FAM78A: variants seen among roughly 807,000 people sequenced by gnomAD.
The protein encoded by FAM78A is family with sequence similarity 78 member A.
A neutral mutation model predicts 22.6 loss-of-function variants in FAM78A; 12 were observed. The ratio of observed to expected loss-of-function variants is 0.53; its 90% CI spans 0.34 to 0.86. The LOEUF (loss-of-function observed/expected upper bound fraction) is 0.86. Among genes scored for constraint, FAM78A ranks in the 40% least tolerant of loss-of-function variants. The pLI is 0.02. For missense variants in FAM78A, 322 were observed against 396.1 expected (o/e 0.81, Z 1.59); for synonymous variants, 151 against 155.8 (o/e 0.97, Z 0.23).
At chr9:131,270,120 C>T (rs1277029945) in intron 1 of FAM78A, among the ~76,000 whole-genome samples, 2 of 150,808 alleles carry the variant, frequency 1.3e-5, no homozygotes, top group African/African-American at 2.4e-5. Context: ...ACAGGAGAAT[C>T]GCTTGAACCC....
chr9:131,268,904 AAG>A (rs1835381696), intron 1 of FAM78A, among the ~76,000 whole-genome samples: 3 of 150,386 alleles, frequency 2.0e-5, no homozygotes, highest in Non-Finnish European at 4.4e-5. Context: ...AAAAAAAAAA[AAG>A]AAGTGCTCTT....
At chr9:131,270,045 A>T (rs917404256) in intron 1 of FAM78A, among the ~76,000 whole-genome samples, 10 of 148,684 alleles carry the variant, frequency 6.7e-5, no homozygotes, top group African/African-American at 2.2e-4. Flanking sequence ...AATAAAAAAA[A>T]AAAAAAAAAA....
In FAM78A at chr9:131,260,681, C is replaced by A; in HGVS notation, c.*141G>T. 1 of 1,069,350 alleles carries A rather than the reference C, an allele frequency of 9.4e-7. No individual in the cohort carries two copies. Among genetic ancestry groups the A allele is most frequent in the East Asian group, 2.7e-5 (1 of 36,818 alleles). The allele number at this position is 1,069,350 out of a possible 1,614,324, so 66.2% of individuals were successfully genotyped here. On this transcript the variant is annotated 3_prime_UTR_variant, in exon 2 of 2. Transcript: ENST00000372271. The surrounding 1 kb of genome is among the most constrained non-coding windows in gnomAD (Gnocchi z 5.4). ...GTGCCGAGAGCCGGGGAGGCCTTCC[C>A]GGGGGCATCAGCACAGTGAGATCCG...
upstream of FAM78A, among the ~76,000 whole-genome samples, chr9:131,278,074 C>T (rs1835507967): frequency 6.1e-5 from 9 of 148,712 alleles, no homozygotes; most frequent in South Asian, 1.7e-3. Flanking sequence ...CGGGCGCCGC[C>T]TCCTCCTCCC....
At chr9:131,267,338 G>A (rs549662872) in intron 1 of FAM78A, among the ~76,000 whole-genome samples, 10 of 152,302 alleles carry the variant, frequency 6.6e-5, no homozygotes, top group African/African-American at 2.4e-4. Context: ...AGACCAGCCA[G>A]GGCATCAAAG....
Position 131,260,598 on chromosome 9 carries a change from G to T in FAM78A, c.*224C>A. On this transcript the variant is annotated 3_prime_UTR_variant, in exon 2 of 2. Transcript: ENST00000372271. This position sits in a 1 kb window ranked among gnomAD's most constrained non-coding sequence, Gnocchi z 5.4. ...CAAGGAGACCAGAGGTCACCCTGAGGGCGCACGTGGGGTCTGTCTGTCCTG... is the reference window on the plus strand; with the variant it reads ...CAAGGAGACCAGAGGTCACCCTGAGTGCGCACGTGGGGTCTGTCTGTCCTG... 1 of 434,702 alleles carries T rather than the reference G, an allele frequency of 2.3e-6. No individual in the cohort carries two copies. Among genetic ancestry groups the T allele is most frequent in the Non-Finnish European group, 4.0e-6 (1 of 249,190 alleles). 26.9% of individuals were successfully genotyped at this position (434,702 alleles called of 1,614,324 possible).
rs114883704 is a variant in FAM78A, at chr9:131,271,350, G to A, written c.323+4507C>T. Among the ~76,000 whole-genome samples, 445 of 152,258 alleles carry A rather than the reference G, an allele frequency of 2.9e-3. 2 individuals are homozygous for A. Among genetic ancestry groups the A allele is most frequent in the African/African-American group, 6.1e-3 (253 of 41,534 alleles). On this transcript the variant is annotated intron_variant, in intron 1 of 1. Coordinates refer to ENST00000372271, the MANE Select transcript of FAM78A (RefSeq NM_033387.4). ...CTTTCCGGTGACTCCGACAGGCATCGCATAATGCATAAGACATTATTAGTA... is the reference window on the plus strand; with the variant it reads ...CTTTCCGGTGACTCCGACAGGCATCACATAATGCATAAGACATTATTAGTA...
Position 131,260,508 on chromosome 9 carries a change from C to A in FAM78A, c.*314G>T. 1 of 251,800 alleles carries A rather than the reference C, an allele frequency of 4.0e-6. No individual in the cohort carries two copies. Among genetic ancestry groups the A allele is most frequent in the Non-Finnish European group, 7.5e-6 (1 of 133,400 alleles). 15.6% of individuals were successfully genotyped at this position (251,800 alleles called of 1,614,324 possible). A position where few individuals can be genotyped will look rare whatever the true frequency, so the allele number is the denominator to read the frequency against. On this transcript the variant is annotated 3_prime_UTR_variant, in exon 2 of 2. Coordinates refer to ENST00000372271, the MANE Select transcript of FAM78A (RefSeq NM_033387.4). The surrounding 1 kb of genome is among the most constrained non-coding windows in gnomAD (Gnocchi z 5.4). The stretch of plus-strand genomic sequence containing the variant: ...CCAAAAGAGGAGTTTTTTTAAAAAA[C>A]GGAAAAAGCAGTGTTTCAGGGAATC...
upstream of FAM78A, chr9:131,276,535 A>G (rs115014923): frequency 9.1e-3 from 1,597 of 175,124 alleles, 25 homozygotes; most frequent in African/African-American, 0.036. The surrounding 1 kb of genome is among the most constrained non-coding windows in gnomAD (Gnocchi z 4.3). Flanking sequence ...CGGCAGACTC[A>G]TAAATAAGGA....
intron 1 of FAM78A, among the ~76,000 whole-genome samples, chr9:131,266,485 A>C (rs531014137): frequency 2.1e-4 from 31 of 147,986 alleles, no homozygotes; most frequent in African/African-American, 5.0e-4. Context: ...CCTCATCCTC[A>C]TCCTCCTCCT....
chr9:131,273,494 C>T (rs554701291), intron 1 of FAM78A, among the ~76,000 whole-genome samples: 1 of 152,336 alleles, frequency 6.6e-6, no homozygotes, highest in African/African-American at 2.4e-5. Context: ...CAAAGAGAAA[C>T]ATCAGGGGCA....
chr9:131,280,368 C>A (rs181767365), upstream of FAM78A, among the ~76,000 whole-genome samples: 84 of 152,322 alleles, frequency 5.5e-4, no homozygotes, highest in African/African-American at 1.9e-3. Flanking sequence ...ACGGCAGCCT[C>A]AGCATATGTG....
Position 131,276,252 on chromosome 9 carries a change from C to G in FAM78A, c.-73G>C. 7.6e-7 allele frequency: 1 copy of G among 1,312,694 alleles called. No individual in the cohort carries two copies. The highest frequency in any genetic ancestry group is 1.1e-6 in the Non-Finnish European group (1 of 948,254). The allele number at this position is 1,312,694 out of a possible 1,614,324, so 81.3% of individuals were successfully genotyped here. ...AATCTCAACTCTCAAGACCGATATC[C>G]ATAGGATAGAAAACTCACTGAGTAG... On this transcript the variant is annotated 5_prime_UTR_variant, in exon 1 of 2. The change abolishes an upstream ATG in the 5' untranslated region. Coordinates refer to ENST00000372271, the MANE Select transcript of FAM78A (RefSeq NM_033387.4). This position sits in a 1 kb window ranked among gnomAD's most constrained non-coding sequence, Gnocchi z 4.3.
rs1469108625 is a variant in FAM78A at position 131,259,608 on chromosome 9, G to A, written c.*1214C>T. The A allele has an allele frequency of 3.3e-5, 5 of 152,512 alleles. No individual in the cohort carries two copies. The highest frequency in any genetic ancestry group is 9.6e-5 in the African/African-American group (4 of 41,478). 9.4% of individuals were successfully genotyped at this position (152,512 alleles called of 1,614,324 possible). A position where few individuals can be genotyped will look rare whatever the true frequency, so the allele number is the denominator to read the frequency against. ...CCGCTGCCCTGAGGGCCTGGGAGGG[G>A]CGCCCCTGAGAACGAGCCCTGTCTT... On this transcript the variant is annotated 3_prime_UTR_variant, in exon 2 of 2. Coordinates refer to ENST00000372271, the MANE Select transcript of FAM78A (RefSeq NM_033387.4).
rs1835436114 is a variant in FAM78A at position 131,272,768 on chromosome 9, T to C, written c.323+3089A>G. 6.6e-6 allele frequency among the ~76,000 whole-genome samples: 1 copy of C among 151,874 alleles called. No homozygotes were observed. The highest frequency in any genetic ancestry group is 2.4e-5 in the African/African-American group (1 of 41,342). ...CAACGCGGTGAAACCCCGTCTCTAC[T>C]AAAAATATAAAAATTAGCTGGGCAT... On this transcript the variant is annotated intron_variant, in intron 1 of 1. Coordinates refer to ENST00000372271, the MANE Select transcript of FAM78A (RefSeq NM_033387.4). This position sits in a 1 kb window ranked among gnomAD's most constrained non-coding sequence, Gnocchi z 4.1.
Position 131,276,273 on chromosome 9 carries a change from A to C in FAM78A, c.-94T>G. 1 of 1,053,496 alleles carries C rather than the reference A, an allele frequency of 9.5e-7. No individual in the cohort carries two copies. Among genetic ancestry groups the C allele is most frequent in the Admixed American group, 2.6e-5 (1 of 37,986 alleles). The allele number at this position is 1,053,496 out of a possible 1,614,324, so 65.3% of individuals were successfully genotyped here. A position where few individuals can be genotyped will look rare whatever the true frequency, so the allele number is the denominator to read the frequency against. On this transcript the variant is annotated 5_prime_UTR_variant, in exon 1 of 2. Coordinates refer to ENST00000372271, the MANE Select transcript of FAM78A (RefSeq NM_033387.4). This position sits in a 1 kb window ranked among gnomAD's most constrained non-coding sequence, Gnocchi z 4.3. ...TATCCATAGGATAGAAAACTCACTG[A>C]GTAGACTGGGGTTGCATATATCACT...
At position 131,276,062 on chromosome 9, in the gene FAM78A, C is replaced by G; in HGVS notation, c.118G>C (p.Val40Leu). ...KARVFREGIT[V>L]IDVKASIDPV... is the part of the protein sequence containing the mutation. ...TCGATGGAGGCTTTCACATCAATCA[C>G]CGTGATCCCTTCCCGGAAGACTCTG... Residue 40 changes from valine (V) to leucine (L), a missense_variant, in exon 1 of 2, where the codon GTG (valine) becomes CTG (leucine). Physicochemically the swap from Val to Leu is conservative, Grantham distance 32 (BLOSUM62 1). Transcript: ENST00000372271. This position sits in a 1 kb window ranked among gnomAD's most constrained non-coding sequence, Gnocchi z 4.3. The G allele has an allele frequency of 6.2e-7, 1 of 1,613,870 alleles. No individual in the cohort carries two copies. The highest frequency in any genetic ancestry group is 8.5e-7 in the Non-Finnish European group (1 of 1,180,038).
chr9:131,266,153 A>G (rs352967), intron 1 of FAM78A, among the ~76,000 whole-genome samples: 148,099 of 152,198 alleles, frequency 0.97, 72,168 homozygotes, highest in East Asian at 1. Flanking sequence ...TGCCTCCACC[A>G]TGGCCTTACC....
upstream of FAM78A, among the ~76,000 whole-genome samples, chr9:131,278,060 CG>C (rs1422870167): frequency 6.8e-6 from 1 of 147,564 alleles, no homozygotes; most frequent in African/African-American, 2.4e-5. Flanking sequence ...GCGGCGGCGG[CG>C]GGCGGGCGCC....
Sources: gnomAD v4.1 joint callset for allele counts (sites outside exome capture counted in the v4.1 genomes callset) on GRCh38, gnomAD v4.1.1 for gene constraint, Gnocchi (gnomAD v3.1) non-coding constraint, MANE v1.5 for transcripts, NCBI Gene and HGNC (gene_info 2026-07-23, HGNC 2026-07-21) for gene names.